ATP5F1B: variants seen among roughly 807,000 people sequenced by gnomAD.
ATP5F1B encodes ATP synthase F1 subunit beta.
ATP5F1B carries 17 observed loss-of-function variants against 45.9 expected under a neutral mutation model. That is an observed-to-expected ratio of 0.37 (90% confidence interval 0.25 to 0.56). The LOEUF is 0.56. ATP5F1B is among the 20% of genes least tolerant of loss of function. The pLI, the probability that ATP5F1B is intolerant of heterozygous loss-of-function variation, is 0.80. For missense variants in ATP5F1B, 387 were observed against 673.2 expected (o/e 0.57, Z 4.70); for synonymous variants, 218 against 256.5 (o/e 0.85, Z 1.43).
In ATP5F1B at chr12:56,640,079, T is replaced by C. The variant is rs943241795; in HGVS notation, c.1188A>G (p.Pro396=). The change falls in exon 8 of 10, where the codon CCA becomes CCG. Residue 396 remains proline (P), a synonymous_variant. Transcript: ENST00000262030. ...AGGTGGAGTCTAGAGGATCCACAGC[T>C]GGATAGATGCCCAGCTCAGCAATGG... is the stretch of plus-strand genomic sequence containing the variant. ...SRAIAELGIY[P]AVDPLDSTSR... 3.1e-6 allele frequency: 5 copies of C among 1,614,008 alleles called. No individual in the cohort carries two copies. The highest frequency in any genetic ancestry group is 1.3e-5 in the African/African-American group (1 of 74,970).
Position 56,644,715 on chromosome 12 carries a change from C to T in ATP5F1B, c.485+66G>A, listed in dbSNP as rs1441812017. 9 of 1,520,044 alleles carry T rather than the reference C, an allele frequency of 5.9e-6. 1 individual carries two copies. In the African/African-American group the frequency reaches 1.2e-4, roughly 21 times the overall value. The allele number at this position is 1,520,044 out of a possible 1,614,324, so 94.2% of individuals were successfully genotyped here. On this transcript the variant is annotated intron_variant, in intron 3 of 9. Coordinates refer to ENST00000262030, the MANE Select transcript of ATP5F1B (RefSeq NM_001686.4). ...AATTCTGCTTTAGGAGAACATGTCACCTTAATGTGTAAAACTGCAAATAAC... is the reference window on the plus strand; with the variant it reads ...AATTCTGCTTTAGGAGAACATGTCATCTTAATGTGTAAAACTGCAAATAAC...
intron 7 of ATP5F1B, among the ~76,000 whole-genome samples, chr12:56,640,748 A>G (rs1460604465): frequency 6.6e-6 from 1 of 151,960 alleles, no homozygotes; most frequent in Admixed American, 6.6e-5. Context: ...TTTTAGAATT[A>G]AAAACAAGAG....
intron 3 of ATP5F1B, 114 bp from the exon 4 acceptor site, chr12:56,644,072 GTCTTACCTCCCCTT>G: frequency 8.4e-7 from 1 of 1,186,748 alleles, no homozygotes; most frequent in Non-Finnish European, 1.2e-6. Flanking sequence ...AGGAACCACA[GTCTTACCTCCCCTT>G]TCTTACATAA....
At position 56,642,414 on chromosome 12, in the gene ATP5F1B, T is replaced by TG. The variant is rs1456900462; in HGVS notation, c.1074+43dup. 3.1e-6 allele frequency: 5 copies of TG among 1,610,070 alleles called. No individual in the cohort carries two copies. The African/African-American group carries it at 4.0e-5, about 13-fold the overall frequency. Reference sequence around the variant, plus strand: ...GTAGCTGAGATGCACCACTGCACCCTGCCTTTATACAAATCAGATCTTCAT... The same window carrying TG: ...GTAGCTGAGATGCACCACTGCACCCTGGCCTTTATACAAATCAGATCTTCAT... On this transcript the variant is annotated intron_variant, in intron 7 of 9. Transcript: ENST00000262030.
At position 56,642,597 on chromosome 12, in the gene ATP5F1B, T is replaced by A. The variant is rs1321057094; in HGVS notation, c.952-17A>T. The A allele has an allele frequency of 1.2e-6, 2 of 1,613,686 alleles. No individual in the cohort carries two copies. Among genetic ancestry groups the A allele is most frequent in the Non-Finnish European group, 1.7e-6 (2 of 1,179,938 alleles). Reference sequence around the variant, plus strand: ...TGCAGACACCTAAAAGAAAAAAAGGTCTTAGGTGTCTACATCCTTAGCCTC... The same window carrying A: ...TGCAGACACCTAAAAGAAAAAAAGGACTTAGGTGTCTACATCCTTAGCCTC... On this transcript the variant is annotated splice_polypyrimidine_tract_variant and intron_variant, in intron 6 of 9. Coordinates refer to ENST00000262030, the MANE Select transcript of ATP5F1B (RefSeq NM_001686.4).
In ATP5F1B at chr12:56,639,971, T is replaced by C; in HGVS notation, c.1287+9A>G. On this transcript the variant is annotated intron_variant, in intron 8 of 9. Transcript: ENST00000262030. ...TCCGGACACTGATCCCACATAGTAATATACTCACCTGCAGGATCTTTTGCA... is the reference window on the plus strand; with the variant it reads ...TCCGGACACTGATCCCACATAGTAACATACTCACCTGCAGGATCTTTTGCA... The C allele has an allele frequency of 6.2e-7, 1 of 1,613,698 alleles. No homozygotes were observed. The highest frequency in any genetic ancestry group is 8.5e-7 in the Non-Finnish European group (1 of 1,179,792).
In ATP5F1B at chr12:56,645,157, C is replaced by T. The variant is rs747288816; in HGVS notation, c.310+14G>A. ...TACACAAGGTCTTTACTATTCCTAA[C>T]AAACTCTACTTACCCAAATGCTGGG... On this transcript the variant is annotated intron_variant, in intron 2 of 9. Coordinates refer to ENST00000262030, the MANE Select transcript of ATP5F1B (RefSeq NM_001686.4). 1 of 1,614,098 alleles carries T rather than the reference C, an allele frequency of 6.2e-7. No homozygotes were observed. Among genetic ancestry groups the T allele is most frequent in the Admixed American group, 1.7e-5 (1 of 60,028 alleles).
chr12:56,645,343 A>G lies in ATP5F1B; in HGVS notation c.138T>C (p.Tyr46=), dbSNP rs771278646. The G allele has an allele frequency of 6.2e-7, 1 of 1,613,752 alleles. No individual in the cohort carries two copies. The highest frequency in any genetic ancestry group is 8.5e-7 in the Non-Finnish European group (1 of 1,179,842). ...APTAVHPVRD[Y]AAQTSPSPKA... ...TTGGCGAAGGAGATGTTTGCGCCGC[A>G]TAGTCCCTGACTAACAGACAAAAGA... The change falls in exon 2 of 10, where the codon TAT becomes TAC. Residue 46 remains tyrosine (Y), a synonymous_variant. Coordinates refer to ENST00000262030, the MANE Select transcript of ATP5F1B (RefSeq NM_001686.4).
At chr12:56,638,619 G>A (rs1006500007) in intron 9 of ATP5F1B, among the ~76,000 whole-genome samples, 196 bp from the exon 10 acceptor site, 3 of 152,222 alleles carry the variant, frequency 2.0e-5, no homozygotes, top group Admixed American at 2.0e-4. Context: ...ACATGGGCCA[G>A]GCACGGTGGC....
rs1951513998 is a variant in ATP5F1B, at chr12:56,641,775, T to G, written c.1074+683A>C. On this transcript the variant is annotated intron_variant, in intron 7 of 9. Transcript: ENST00000262030. ...CTGTGTTAAGTCAGGATGGTCTTGA[T>G]CTCCTGACCTCATGATCCGCCTGCC... Among the ~76,000 whole-genome samples, 8 of 151,780 alleles carry G rather than the reference T, an allele frequency of 5.3e-5. No homozygotes were observed. The South Asian group carries it at 1.5e-3, about 28-fold the overall frequency.
intron 8 of ATP5F1B, 76 bp from the exon 9 acceptor site, chr12:56,639,383 TG>T: frequency 7.2e-7 from 1 of 1,390,030 alleles, no homozygotes; most frequent in Non-Finnish European, 1.0e-6. Flanking sequence ...GAAAGTTACA[TG>T]CTAGGGGGCA....
intron 9 of ATP5F1B, 65 bp from the exon 10 acceptor site, chr12:56,638,488 G>GT (rs906551187): frequency 8.0e-6 from 10 of 1,244,038 alleles, no homozygotes; most frequent in African/African-American, 1.5e-5. Flanking sequence ...TCTGCATCAT[G>GT]TAACATTCCT....
chr12:56,643,659 A>G (rs1362255078), intron 4 of ATP5F1B, 72 bp from the exon 5 acceptor site: 1 of 1,597,040 alleles, frequency 6.3e-7, no homozygotes, highest in Non-Finnish European at 8.6e-7. Context: ...AAAAAAAGTA[A>G]TTGCTTCCTT....
chr12:56,644,059 C>T, intron 3 of ATP5F1B, 101 bp from the exon 4 acceptor site: 2 of 1,373,038 alleles, frequency 1.5e-6, no homozygotes, highest in Non-Finnish European at 2.0e-6. Context: ...ATCCCTTTAC[C>T]TGAGGAACCA....
rs1292383071 is a variant in ATP5F1B, at chr12:56,642,534, G to GTATC, written c.997_998insGATA (p.Pro333ArgfsTer7). On this transcript the variant is annotated frameshift_variant, in exon 7 of 10. Transcript: ENST00000262030. LOFTEE classifies it high-confidence loss of function. ...AGTACCCATGTCAGTGGCCAGGGTA[G>GTATC]GCTGATAGCCCACAGCAGAAGGGAT... is the stretch of plus-strand genomic sequence containing the variant. The GTATC allele has an allele frequency of 6.2e-7, 1 of 1,613,976 alleles. No individual in the cohort carries two copies. Among genetic ancestry groups the GTATC allele is most frequent in the East Asian group, 2.2e-5 (1 of 44,890 alleles).
Position 56,645,358 on chromosome 12 carries a change from C to A in ATP5F1B, c.128-5G>T. On this transcript the variant is annotated splice_region_variant and splice_polypyrimidine_tract_variant and intron_variant, in intron 1 of 9. Coordinates refer to ENST00000262030, the MANE Select transcript of ATP5F1B (RefSeq NM_001686.4). Reference sequence around the variant, plus strand: ...TTTGCGCCGCATAGTCCCTGACTAACAGACAAAAGATATTGGAAGGAGCTG... The same window carrying A: ...TTTGCGCCGCATAGTCCCTGACTAAAAGACAAAAGATATTGGAAGGAGCTG... 1 of 1,611,252 alleles carries A rather than the reference C, an allele frequency of 6.2e-7. No homozygotes were observed. Among genetic ancestry groups the A allele is most frequent in the Non-Finnish European group, 8.5e-7 (1 of 1,178,224 alleles).
chr12:56,643,886 A>C lies in ATP5F1B; in HGVS notation c.558T>G (p.Gly186=). ...GAGCTAGCAGATCGACAACCTTGAT[A>C]CCAGTCACCAGAATTTCCTGCTCAA... ...MSVEQEILVT[G]IKVVDLLAPY... The change falls in exon 4 of 10, where the codon GGT becomes GGG. Residue 186 remains glycine (G), a synonymous_variant. Coordinates refer to ENST00000262030, the MANE Select transcript of ATP5F1B (RefSeq NM_001686.4). 6.2e-7 allele frequency: 1 copy of C among 1,614,208 alleles called. No individual in the cohort carries two copies. The highest frequency in any genetic ancestry group is 8.5e-7 in the Non-Finnish European group (1 of 1,180,032).
chr12:56,645,436 G>A (rs889805746), intron 1 of ATP5F1B, 83 bp from the exon 2 acceptor site: 3 of 1,441,704 alleles, frequency 2.1e-6, no homozygotes, highest in African/African-American at 1.4e-5. Flanking sequence ...CACAAGGAGA[G>A]GAAAACTCAG....
At position 56,642,670 on chromosome 12, in the gene ATP5F1B, T is replaced by C. The variant is rs1263438355; in HGVS notation, c.951+3A>G. 6.2e-7 allele frequency: 1 copy of C among 1,614,180 alleles called. No homozygotes were observed. ...CCAGGTCCTCTCAAGCCTTCCCTCT[T>C]ACCTCTGAACCAGCCTGGGTGAAGC... On this transcript the variant is annotated splice_donor_region_variant and intron_variant, in intron 6 of 9. Coordinates refer to ENST00000262030, the MANE Select transcript of ATP5F1B (RefSeq NM_001686.4).
Sources: allele counts gnomAD v4.1 joint callset (sites outside exome capture counted in the v4.1 genomes callset), GRCh38; gene constraint gnomAD v4.1.1; transcripts MANE v1.5; gene names NCBI Gene and HGNC (gene_info 2026-07-23, HGNC 2026-07-21).